The following CUZD1 variants were observed in gnomAD, a reference collection of about 807,000 sequenced individuals.
CUZD1 encodes the protein CUB and zona pellucida-like domain-containing protein 1.
CUZD1 carries 42 observed loss-of-function variants against 53.1 expected under a neutral mutation model. That is an observed-to-expected ratio of 0.79 (90% CI 0.62 to 1.02). The LOEUF (loss-of-function observed/expected upper bound fraction) is 1.02. Among genes scored for constraint, CUZD1 ranks in the 50% least tolerant of loss-of-function variants. The probability of loss-of-function intolerance (pLI) is 0.00; values close to 1 mark genes in which losing one functional copy is unlikely to be tolerated. For missense variants in CUZD1, 670 were observed against 715.7 expected, an observed-to-expected ratio of 0.94 and a Z score of 0.73; for synonymous variants, 238 against 257.2, an observed-to-expected ratio of 0.93 and a Z score of 0.71.
At chr10:122,844,861 C>A (rs754679680) in intron 1 of CUZD1, among the ~76,000 whole-genome samples, 2 of 151,978 alleles carry the variant, frequency 1.3e-5, no homozygotes, top group African/African-American at 2.4e-5. Flanking sequence ...TTTATTTATT[C>A]TCCCATATAC....
In CUZD1 at chr10:122,833,793, A is replaced by G; in HGVS notation, c.1530T>C (p.Ser510=). The part of the protein sequence containing the change: ...VLICDSSDHQ[S]RCNQGCVSRS... Reference sequence around the variant, plus strand: ...TGGAGACACAACCTTGATTGCAGCGAGACTGGTGGTCACTGCTATCACATA... The same window carrying G: ...TGGAGACACAACCTTGATTGCAGCGGGACTGGTGGTCACTGCTATCACATA... The change falls in exon 8 of 9, where the codon TCT becomes TCC. Residue 510 remains serine, a synonymous_variant. Coordinates refer to ENST00000392790, the MANE Select transcript of CUZD1 (RefSeq NM_022034.6). The G allele has an allele frequency of 6.2e-7, 1 of 1,614,126 alleles. No individual in the cohort carries two copies. Among genetic ancestry groups the G allele is most frequent in the South Asian group, 1.1e-5 (1 of 91,084 alleles).
chr10:122,834,745 G>C lies in CUZD1; in HGVS notation c.1343C>G (p.Ser448Cys), dbSNP rs368389572. The part of the protein sequence containing the change: ...FLDTCRASPT[S>C]DFASPTYDLI... ...GTCGTAGGTTGGAGATGCAAAGTCA[G>C]AGGTGGGAGAGGCTCTACAGGTATC... is the stretch of plus-strand genomic sequence containing the variant. The change falls in exon 7 of 9, where the codon TCT (serine) becomes TGT (cysteine). Residue 448 changes from serine (S) to cysteine (C), a missense_variant. Physicochemically the swap from Ser to Cys is moderately radical, Grantham distance 112. Transcript: ENST00000392790. 1 of 1,611,730 alleles carries C rather than the reference G, an allele frequency of 6.2e-7. No individual in the cohort carries two copies. Among genetic ancestry groups the C allele is most frequent in the Non-Finnish European group, 8.5e-7 (1 of 1,178,534 alleles).
chr10:122,844,964 T>C (rs896596471), intron 1 of CUZD1, among the ~76,000 whole-genome samples: 1 of 152,168 alleles, frequency 6.6e-6, no homozygotes, highest in African/African-American at 2.4e-5. Context: ...TTTCTAGACA[T>C]TTAAAATGCT....
At chr10:122,844,031 T>G (rs1204095743) in intron 1 of CUZD1, among the ~76,000 whole-genome samples, 3 of 148,844 alleles carry the variant, frequency 2.0e-5, no homozygotes, top group African/African-American at 7.4e-5. Context: ...AATATATATA[T>G]ATATAGAGAG....
Position 122,844,494 on chromosome 10 carries a change from AAGG to A in CUZD1, c.82+1265_82+1267del, listed in dbSNP as rs764309550. Among the ~76,000 whole-genome samples the A allele has an allele frequency of 9.2e-5, 14 of 152,316 alleles. No individual in the cohort carries two copies. The East Asian group carries it at 2.1e-3, about 23-fold the overall frequency. ...ATATCTTAATAAAGCTGTTATTAAA[AAGG>A]AGAAAGAAGAGAAGAAAGAGAAAAG... On this transcript the variant is annotated intron_variant, in intron 1 of 8. Coordinates refer to ENST00000392790, the MANE Select transcript of CUZD1 (RefSeq NM_022034.6).
intron 1 of CUZD1, 116 bp from the exon 2 acceptor site, chr10:122,841,444 A>C: frequency 3.0e-6 from 3 of 1,009,926 alleles, no homozygotes; most frequent in South Asian, 4.8e-5. Context: ...CTAATTGTGG[A>C]TGGTACTTAG....
chr10:122,845,404 T>C (rs1589665080), intron 1 of CUZD1, among the ~76,000 whole-genome samples: 1 of 151,956 alleles, frequency 6.6e-6, no homozygotes, highest in East Asian at 1.9e-4. Context: ...CAAAAAAGAG[T>C]GTTCCATTTT....
At chr10:122,837,681 C>T in intron 3 of CUZD1, 127 bp from the exon 4 acceptor site, 1 of 922,220 alleles carries the variant, frequency 1.1e-6, no homozygotes. Flanking sequence ...TCCCATGGGT[C>T]ACATATTGAG....
chr10:122,842,666 G>A (rs1847363317), intron 1 of CUZD1, among the ~76,000 whole-genome samples: 1 of 151,990 alleles, frequency 6.6e-6, no homozygotes, highest in Non-Finnish European at 1.5e-5. Flanking sequence ...GATTTGTATT[G>A]GAATTGCACT....
rs1192367912 is a variant in CUZD1, at chr10:122,835,074, G to A, written c.1014C>T (p.Tyr338=). ...ATGCAGAAAAGGTGATTATATTGGT[G>A]TAAGTAATTGACTGATCTTCTACCT... The part of the protein sequence containing the change: ...IRKVEDQSIT[Y]TNIITFSASS... Residue 338 remains tyrosine, a synonymous_variant, in exon 7 of 9, where the codon TAC becomes TAT. Transcript: ENST00000392790. 1.3e-6 allele frequency: 2 copies of A among 1,584,738 alleles called. No homozygotes were observed. The highest frequency in any genetic ancestry group is 1.7e-6 in the Non-Finnish European group (2 of 1,165,530).
intron 7 of CUZD1, 34 bp from the exon 8 acceptor site, chr10:122,833,974 A>G: frequency 6.3e-7 from 1 of 1,586,386 alleles, no homozygotes. Flanking sequence ...TTTAGAAGAT[A>G]CAGACAAATT....
chr10:122,839,143 T>C lies in CUZD1; in HGVS notation c.322A>G (p.Ser108Gly). 6.2e-7 allele frequency: 1 copy of C among 1,614,000 alleles called. No homozygotes were observed. The highest frequency in any genetic ancestry group is 8.5e-7 in the Non-Finnish European group (1 of 1,179,848). Reference protein sequence around the residue: ...SNGPLLGQVCSKNDYVPVFES... With the variant: ...SNGPLLGQVCGKNDYVPVFES... Reference sequence around the variant, plus strand: ...AATACAGGAACATAGTCGTTTTTACTGCAGACTTGCCCTAGCAGAGGCCCA... The same window carrying C: ...AATACAGGAACATAGTCGTTTTTACCGCAGACTTGCCCTAGCAGAGGCCCA... The change falls in exon 3 of 9, where the codon AGT becomes GGT. Residue 108 changes from serine (S) to glycine (G), a missense_variant. Coordinates refer to ENST00000392790, the MANE Select transcript of CUZD1 (RefSeq NM_022034.6).
At chr10:122,834,229 A>T (rs1847208036) in intron 7 of CUZD1, among the ~76,000 whole-genome samples, 1 of 152,234 alleles carries the variant, frequency 6.6e-6, no homozygotes, top group Non-Finnish European at 1.5e-5. Flanking sequence ...TATCAGTACG[A>T]ATGACGTAGT....
In CUZD1 at chr10:122,837,437, T is replaced by C; in HGVS notation, c.566A>G (p.Asp189Gly). Reference protein sequence around the residue: ...YCVWHIQVEKDYKIKLNFKEI... With the variant: ...YCVWHIQVEKGYKIKLNFKEI... ...TTTGAAGTTTAGTTTTATCTTGTAATCTTTCTCCACTTGTATGTGCCACAC... is the reference window on the plus strand; with the variant it reads ...TTTGAAGTTTAGTTTTATCTTGTAACCTTTCTCCACTTGTATGTGCCACAC... Residue 189 changes from aspartate to glycine, a missense_variant, in exon 4 of 9, where the codon GAT becomes GGT. By Grantham distance (94) the Asp-to-Gly change is moderately conservative. Coordinates refer to ENST00000392790, the MANE Select transcript of CUZD1 (RefSeq NM_022034.6). The C allele has an allele frequency of 5.0e-6, 8 of 1,614,124 alleles. No individual in the cohort carries two copies. Among genetic ancestry groups the C allele is most frequent in the Non-Finnish European group, 6.8e-6 (8 of 1,179,980 alleles).
intron 1 of CUZD1, among the ~76,000 whole-genome samples, chr10:122,845,177 A>G (rs907533566): frequency 1.3e-5 from 2 of 151,882 alleles, no homozygotes; most frequent in African/African-American, 4.8e-5. Context: ...CTCGGGTTCA[A>G]GCGATTCTCC....
At position 122,845,773 on chromosome 10, in the gene CUZD1, G is replaced by A. The variant is rs565610081; in HGVS notation, c.71C>T (p.Ala24Val). 6 of 1,613,538 alleles carry A rather than the reference G, an allele frequency of 3.7e-6. No homozygotes were observed. Among genetic ancestry groups the A allele is most frequent in the East Asian group, 4.5e-5 (2 of 44,868 alleles). ...ILSCLAELTMAEAEGNASCTV... is the reference protein window; with the variant it reads ...ILSCLAELTMVEAEGNASCTV... ...TTCAATTTTCTTACCTTCAGCCTCC[G>A]CCATTGTCAGCTCCGCCAAACAGGA... Residue 24 changes from alanine (A) to valine (V), a missense_variant, in exon 1 of 9, where the codon GCG becomes GTG. Transcript: ENST00000392790.
chr10:122,838,683 C>G (rs1273723236), intron 3 of CUZD1, among the ~76,000 whole-genome samples: 1 of 152,180 alleles, frequency 6.6e-6, no homozygotes, highest in African/African-American at 2.4e-5. Context: ...TGCAGAATCT[C>G]CGCTTTGGGC....
At chr10:122,842,043 A>G (rs780931713) in intron 1 of CUZD1, among the ~76,000 whole-genome samples, 9 of 151,898 alleles carry the variant, frequency 5.9e-5, no homozygotes, top group Non-Finnish European at 1.2e-4. Flanking sequence ...CTGCAATTTG[A>G]AAATATTTTC....
At chr10:122,841,668 A>AACTG (rs1214095561) in intron 1 of CUZD1, among the ~76,000 whole-genome samples, 1 of 152,234 alleles carries the variant, frequency 6.6e-6, no homozygotes, top group African/African-American at 2.4e-5. Context: ...GTGTATATTT[A>AACTG]ACTGCATAAG....
Sources: gnomAD v4.1 joint callset for allele counts (sites outside exome capture counted in the v4.1 genomes callset) on GRCh38, gnomAD v4.1.1 for gene constraint, MANE v1.5 for transcripts, NCBI Gene and HGNC (gene_info 2026-07-23, HGNC 2026-07-21) for gene names.